Variants in NIPA2 observed in about 807,000 individuals in gnomAD.
NIPA2 encodes the protein NIPA magnesium transporter 2, also known as magnesium transporter NIPA2.
In NIPA2, 11 loss-of-function variants were observed where a neutral mutation model predicts 29.7. That is an observed-to-expected ratio of 0.37 (90% CI 0.23 to 0.61). The LOEUF (loss-of-function observed/expected upper bound fraction) is 0.61. Ranked by LOEUF, NIPA2 falls within the 20% of genes least tolerant of loss-of-function variation. The pLI, the probability that NIPA2 is intolerant of heterozygous loss-of-function variation, is 0.66. For missense variants in NIPA2, 426 were observed against 437.9 expected (o/e 0.97, Z 0.24); for synonymous variants, 183 against 161.9 (o/e 1.13, Z -0.99).
intron 2 of NIPA2, among the ~76,000 whole-genome samples, chr15:22,843,423 G>A (rs571017715): frequency 1.5e-4 from 23 of 149,386 alleles, no homozygotes; most frequent in South Asian, 6.4e-4. Flanking sequence ...GGAGAATGGC[G>A]TGAACCCGGG....
chr15:22,864,736 C>G (rs1335142556), intron 7 of NIPA2, among the ~76,000 whole-genome samples: 1 of 152,204 alleles, frequency 6.6e-6, no homozygotes, highest in Non-Finnish European at 1.5e-5. Context: ...TTTGAGCATT[C>G]TGTGCCACAA....
chr15:22,855,772 G>T (rs1007396971), intron 5 of NIPA2, among the ~76,000 whole-genome samples: 2 of 152,100 alleles, frequency 1.3e-5, no homozygotes, highest in African/African-American at 4.8e-5. Context: ...TAAAGGAAGC[G>T]AGTGATCTGC....
At chr15:22,839,845 T>A (rs1357583091) in intron 2 of NIPA2, 55 bp downstream of exon 2, 2 of 152,178 alleles carry the variant, frequency 1.3e-5, no homozygotes, top group Non-Finnish European at 1.5e-5. Context: ...GGGTTGGAGA[T>A]TTAGGTTCTG....
chr15:22,857,393 C>T (rs1237738584), intron 5 of NIPA2, among the ~76,000 whole-genome samples: 4 of 148,510 alleles, frequency 2.7e-5, no homozygotes, highest in South Asian at 4.3e-4. Context: ...GCCAAGATCA[C>T]GCACGCCATT....
At chr15:22,861,118 A>G (rs796463005) in intron 7 of NIPA2, among the ~76,000 whole-genome samples, 3 of 152,252 alleles carry the variant, frequency 2.0e-5, no homozygotes, top group African/African-American at 7.2e-5. Flanking sequence ...TTGTCATCTT[A>G]GTCTTTATTA....
intron 2 of NIPA2, among the ~76,000 whole-genome samples, chr15:22,842,602 A>G (rs2140994113): frequency 6.6e-6 from 1 of 151,732 alleles, no homozygotes; most frequent in African/African-American, 2.4e-5. Context: ...GCCGAGGCAG[A>G]AGGATCACCC....
At chr15:22,842,124 G>C (rs1897249193) in intron 2 of NIPA2, among the ~76,000 whole-genome samples, 2 of 152,112 alleles carry the variant, frequency 1.3e-5, no homozygotes, top group Non-Finnish European at 2.9e-5. Flanking sequence ...CCTACCTCTA[G>C]CAGGAGATAA....
chr15:22,860,513 C>G (rs2058545464), intron 6 of NIPA2, 116 bp from the exon 7 acceptor site: 3 of 715,508 alleles, frequency 4.2e-6, no homozygotes, highest in Middle Eastern at 2.6e-4. Flanking sequence ...CCAGAATCTT[C>G]ATAAGTTCAC....
chr15:22,841,132 A>G (rs920042942), intron 2 of NIPA2, among the ~76,000 whole-genome samples: 4 of 152,138 alleles, frequency 2.6e-5, no homozygotes, highest in African/African-American at 4.8e-5. Context: ...TTTTCCTTCA[A>G]TGAGTAGATT....
At chr15:22,848,631 G>T (rs1726150531) in intron 3 of NIPA2, among the ~76,000 whole-genome samples, 1 of 151,740 alleles carries the variant, frequency 6.6e-6, no homozygotes, top group Non-Finnish European at 1.5e-5. Flanking sequence ...TTCCAGACCA[G>T]CCTGGCCAAC....
intron 3 of NIPA2, among the ~76,000 whole-genome samples, chr15:22,847,052 T>C (rs965145528): frequency 7.9e-5 from 12 of 151,238 alleles, no homozygotes; most frequent in African/African-American, 2.9e-4. Flanking sequence ...TACAGGTATG[T>C]GCCACCATGC....
chr15:22,850,323 G>C (rs1466133928), intron 3 of NIPA2, among the ~76,000 whole-genome samples: 1 of 151,952 alleles, frequency 6.6e-6, no homozygotes, highest in East Asian at 1.9e-4. Flanking sequence ...AGTAAGAGAG[G>C]CCTCTAGGTG....
chr15:22,848,594 GA>G (rs1399541408), intron 3 of NIPA2, among the ~76,000 whole-genome samples: 4 of 151,974 alleles, frequency 2.6e-5, no homozygotes, highest in Non-Finnish European at 5.9e-5. Flanking sequence ...TGAAGGCTGA[GA>G]TGGGCGGATC....
intron 2 of NIPA2, among the ~76,000 whole-genome samples, chr15:22,844,088 CTTA>C: frequency 6.6e-6 from 1 of 152,268 alleles, no homozygotes; most frequent in East Asian, 1.9e-4. Context: ...TTAGGTTTTC[CTTA>C]TTAGAATACT....
chr15:22,861,815 A>G (rs554260743), intron 7 of NIPA2, among the ~76,000 whole-genome samples: 2 of 151,430 alleles, frequency 1.3e-5, no homozygotes, highest in East Asian at 3.9e-4. Flanking sequence ...GCTCACTGCA[A>G]CCTCCTCCTC....
intron 5 of NIPA2, among the ~76,000 whole-genome samples, chr15:22,856,003 C>T (rs998914495): frequency 5.3e-5 from 8 of 152,110 alleles, no homozygotes; most frequent in Admixed American, 1.3e-4. Context: ...GTGTGTCTTC[C>T]GAGGTGAAGC....
Position 22,866,366 on chromosome 15 carries a change from T to C in NIPA2, c.602T>C (p.Ile201Thr), listed in dbSNP as rs930647564. ...GTCTCCTGTGTGAAGGGCCTGGGCA[T>C]TGCTATCAAGGAGCTGTTTGCAGGG... ...FSVSCVKGLG[I>T]AIKELFAGKP... The change falls in exon 8 of 8, where the codon ATT becomes ACT. Residue 201 changes from isoleucine to threonine, a missense_variant. Ile to Thr is a moderately conservative substitution (Grantham distance 89, BLOSUM62 -1). This residue lies in a region of NIPA2 where 357 missense variants were observed against 339.8 expected (regional missense o/e 1.05). Transcript: ENST00000337451. 14 of 1,614,140 alleles carry C rather than the reference T, an allele frequency of 8.7e-6. No individual in the cohort carries two copies. Among genetic ancestry groups the C allele is most frequent in the Non-Finnish European group, 1.2e-5 (14 of 1,180,004 alleles).
At chr15:22,865,744 T>C (rs2058993650) in intron 7 of NIPA2, among the ~76,000 whole-genome samples, 1 of 152,338 alleles carries the variant, frequency 6.6e-6, no homozygotes, top group Admixed American at 6.5e-5. Context: ...AGTTCTCCAG[T>C]TGACTTGCTC....
At chr15:22,864,465 GT>G (rs2058835977) in intron 7 of NIPA2, among the ~76,000 whole-genome samples, 1 of 151,966 alleles carries the variant, frequency 6.6e-6, no homozygotes, top group African/African-American at 2.4e-5. Flanking sequence ...GCTGTCCTCT[GT>G]TATGTAAAAG....
Sources: gnomAD v4.1 joint callset for allele counts (sites outside exome capture counted in the v4.1 genomes callset) on GRCh38, gnomAD v4.1.1 for gene constraint, gnomAD v4.1.1 regional missense constraint, MANE v1.5 for transcripts, NCBI Gene and HGNC (gene_info 2026-07-23, HGNC 2026-07-21) for gene names.